Variants in CSNK1G1 observed in about 807,000 individuals in gnomAD.
CSNK1G1 encodes casein kinase I isoform gamma-1.
Under a neutral mutation model 59.6 loss-of-function variants are expected in CSNK1G1, and 22 were observed. The observed-to-expected ratio is 0.37, with a 90% confidence interval of 0.26 to 0.53. The LOEUF is 0.53. Among genes scored for constraint, CSNK1G1 ranks in the 20% least tolerant of loss-of-function variants. The pLI is 0.89. For synonymous variants in CSNK1G1, 179 were observed against 177.1 expected, an observed-to-expected ratio of 1.01 and a Z score of -0.08; for missense variants, 384 against 519.5, an observed-to-expected ratio of 0.74 and a Z score of 2.54.
At chr15:64,266,538 A>C (rs946333929) in intron 2 of CSNK1G1, among the ~76,000 whole-genome samples, 1 of 152,080 alleles carries the variant, frequency 6.6e-6, no homozygotes, top group African/African-American at 2.4e-5. Flanking sequence ...ATTCATATGG[A>C]ACCACAAAAG....
rs1471001010 is a variant in CSNK1G1 at position 64,166,925 on chromosome 15, T to A, written c.*5006A>T. ...AAGAAGAAAAATAAAAGAAATTCTG[T>A]CTACAGAACGGAGGTTTCTTTGTAA... On this transcript the variant is annotated 3_prime_UTR_variant, in exon 12 of 12. Transcript: ENST00000303052. This position sits in a 1 kb window ranked among gnomAD's most constrained non-coding sequence, Gnocchi z 4.5. 6.6e-6 allele frequency: 1 copy of A among 152,446 alleles called. No individual in the cohort carries two copies. Among genetic ancestry groups the A allele is most frequent in the African/African-American group, 2.4e-5 (1 of 41,450 alleles). The allele number at this position is 152,446 out of a possible 1,614,324, so 9.4% of individuals were successfully genotyped here. A position where few individuals can be genotyped will look rare whatever the true frequency, so the allele number is the denominator to read the frequency against.
At chr15:64,299,571 G>A (rs1257306096) in intron 2 of CSNK1G1, among the ~76,000 whole-genome samples, 3 of 150,356 alleles carry the variant, frequency 2.0e-5, no homozygotes, top group Admixed American at 6.6e-5. Flanking sequence ...CAGCCTGGGC[G>A]ACAGAGTAAG....
chr15:64,251,703 A>T, intron 3 of CSNK1G1, 122 bp from the exon 4 acceptor site: 1 of 663,454 alleles, frequency 1.5e-6, no homozygotes. Context: ...TCCATATATA[A>T]GAGCCTTTTC....
At chr15:64,272,239 G>A (rs1300843757) in intron 2 of CSNK1G1, among the ~76,000 whole-genome samples, 1 of 149,378 alleles carries the variant, frequency 6.7e-6, no homozygotes, top group Non-Finnish European at 1.5e-5. Flanking sequence ...CTTTTGAGAT[G>A]GAGTCTTGCT....
intron 1 of CSNK1G1, among the ~76,000 whole-genome samples, chr15:64,334,369 T>C (rs781335744): frequency 6.6e-6 from 1 of 152,076 alleles, no homozygotes; most frequent in Non-Finnish European, 1.5e-5. Context: ...AGGACCAGTT[T>C]TACAGAAGAC....
At chr15:64,345,567 T>C (rs778536597) in intron 1 of CSNK1G1, among the ~76,000 whole-genome samples, 35 of 152,226 alleles carry the variant, frequency 2.3e-4, no homozygotes, top group Admixed American at 7.9e-4. Flanking sequence ...ATTTAGCTCA[T>C]ACTTCCTAAG....
intron 2 of CSNK1G1, among the ~76,000 whole-genome samples, chr15:64,297,715 T>G (rs1474031728): frequency 6.6e-6 from 1 of 150,668 alleles, no homozygotes; most frequent in African/African-American, 2.4e-5. Context: ...AAAAAAAGAA[T>G]AAGAAGAAAT....
intron 2 of CSNK1G1, among the ~76,000 whole-genome samples, chr15:64,286,350 T>A (rs1444611282): frequency 2.0e-5 from 3 of 151,572 alleles, no homozygotes; most frequent in Non-Finnish European, 4.4e-5. Context: ...GTTAACAATA[T>A]TGTTAACATG....
At chr15:64,223,543 ATGTGC>A (rs2140279301) in intron 4 of CSNK1G1, among the ~76,000 whole-genome samples, 1 of 152,346 alleles carries the variant, frequency 6.6e-6, no homozygotes, top group Non-Finnish European at 1.5e-5. Context: ...TCTGGAAATA[ATGTGC>A]TAATGAGGTC....
intron 2 of CSNK1G1, among the ~76,000 whole-genome samples, chr15:64,274,357 A>C (rs1893490294): frequency 6.6e-6 from 1 of 152,244 alleles, no homozygotes; most frequent in African/African-American, 2.4e-5. Flanking sequence ...GATGAATTTA[A>C]TTACAAAGAT....
chr15:64,242,247 T>C (rs951344746), intron 4 of CSNK1G1, among the ~76,000 whole-genome samples: 4 of 152,206 alleles, frequency 2.6e-5, no homozygotes, highest in African/African-American at 9.6e-5. Flanking sequence ...GCTTCTGATA[T>C]AGTTCAAATA....
intron 4 of CSNK1G1, among the ~76,000 whole-genome samples, chr15:64,219,806 G>A (rs1467118065): frequency 7.6e-6 from 1 of 131,784 alleles, no homozygotes. Context: ...ACAGAGTCTC[G>A]CTCTGTTGCC....
At chr15:64,257,468 T>C (rs1338871374) in intron 3 of CSNK1G1, among the ~76,000 whole-genome samples, 2 of 152,128 alleles carry the variant, frequency 1.3e-5, no homozygotes, top group Non-Finnish European at 1.5e-5. Context: ...AAAGCAGGTG[T>C]ACTAGAGAAC....
chr15:64,242,930 C>T (rs1891547973), intron 4 of CSNK1G1, among the ~76,000 whole-genome samples: 1 of 152,072 alleles, frequency 6.6e-6, no homozygotes, highest in African/African-American at 2.4e-5. Context: ...ATTCAACATA[C>T]ATAAATTAAT....
chr15:64,217,515 T>C (rs1350713921), intron 4 of CSNK1G1, among the ~76,000 whole-genome samples: 3 of 152,178 alleles, frequency 2.0e-5, no homozygotes, highest in African/African-American at 4.8e-5. Flanking sequence ...ATGAGAATAG[T>C]AGATATTAAA....
Position 64,300,449 on chromosome 15 carries a change from G to A in CSNK1G1, c.51C>T (p.Pro17=), listed in dbSNP as rs975590501. The A allele has an allele frequency of 3.7e-6, 6 of 1,614,076 alleles. No homozygotes were observed. The African/African-American group carries it at 6.7e-5, about 18-fold the overall frequency. The change falls in exon 2 of 12, where the codon CCC becomes CCT. Residue 17 remains proline (P), a synonymous_variant. Transcript: ENST00000303052. ...EKDERQRTTK[P]MAQRSAHCSR... is the part of the protein sequence containing the mutation. ...AGCAGTGTGCACTCCTTTGTGCCAT[G>A]GGTTTAGTTGTCCGTTGTCTTTCAT...
At chr15:64,255,322 A>ACCTCAG (rs1892316862) in intron 3 of CSNK1G1, among the ~76,000 whole-genome samples, 1 of 151,584 alleles carries the variant, frequency 6.6e-6, no homozygotes, top group Non-Finnish European at 1.5e-5. Context: ...TAATCCACCC[A>ACCTCAG]CCTCAGCCTC....
chr15:64,220,691 C>G (rs2082377689), intron 4 of CSNK1G1, among the ~76,000 whole-genome samples: 1 of 151,934 alleles, frequency 6.6e-6, no homozygotes, highest in Non-Finnish European at 1.5e-5. Flanking sequence ...TCCTGAGTAG[C>G]TGGGACTACA....
Position 64,203,193 on chromosome 15 carries a change from G to A in CSNK1G1, c.1000-4C>T. On this transcript the variant is annotated splice_region_variant and splice_polypyrimidine_tract_variant and intron_variant, in intron 9 of 11. Transcript: ENST00000303052. ...GAACTGACCCTACTGGAGTAGGCTA[G>A]AAAAATGAAACAAAAAGTCAAATGG... 2 of 1,606,854 alleles carry A rather than the reference G, an allele frequency of 1.2e-6. No individual in the cohort carries two copies. The highest frequency in any genetic ancestry group is 1.3e-5 in the African/African-American group (1 of 74,854).
Sources: gnomAD v4.1 joint callset for allele counts (sites outside exome capture counted in the v4.1 genomes callset) on GRCh38, gnomAD v4.1.1 for gene constraint, Gnocchi (gnomAD v3.1) non-coding constraint, MANE v1.5 for transcripts, NCBI Gene and HGNC (gene_info 2026-07-23, HGNC 2026-07-21) for gene names.